The following UIMC1 variants were observed in gnomAD, a reference collection of about 807,000 sequenced individuals.
UIMC1 encodes BRCA1-A complex subunit RAP80.
A neutral mutation model predicts 84.9 loss-of-function variants in UIMC1; 42 were observed. The observed-to-expected ratio is 0.49, with a 90% CI of 0.39 to 0.64. The LOEUF (loss-of-function observed/expected upper bound fraction) is 0.64, where lower values mean the gene tolerates loss of function less well. UIMC1 is among the 30% of genes least tolerant of loss of function. The pLI, the probability that UIMC1 is intolerant of heterozygous loss-of-function variation, is 0.00. For missense variants in UIMC1, 825 were observed against 847.6 expected (o/e 0.97, Z 0.33); for synonymous variants, 281 against 293.0 (o/e 0.96, Z 0.42).
chr5:176,984,829 A>G (rs981306207), intron 1 of UIMC1, among the ~76,000 whole-genome samples: 3 of 152,222 alleles, frequency 2.0e-5, no homozygotes, highest in African/African-American at 7.2e-5. Flanking sequence ...TGCTGTGTCA[A>G]CTCAGGGTTA....
upstream of UIMC1, among the ~76,000 whole-genome samples, chr5:177,007,980 C>A (rs527349156): frequency 1.3e-5 from 2 of 151,950 alleles, no homozygotes; most frequent in Non-Finnish European, 2.9e-5. Context: ...TGGTACATGC[C>A]AGTAATCCCA....
intron 10 of UIMC1, among the ~76,000 whole-genome samples, chr5:176,928,595 C>T (rs1193901603): frequency 2.0e-5 from 3 of 152,158 alleles, no homozygotes; most frequent in African/African-American, 4.8e-5. Context: ...AACAAACCAA[C>T]TATAAACAAA....
upstream of UIMC1, among the ~76,000 whole-genome samples, chr5:177,010,533 A>G (rs1775523229): frequency 6.6e-6 from 1 of 152,156 alleles, no homozygotes; most frequent in Admixed American, 6.6e-5. Context: ...TAATAAACAC[A>G]TAATAGAGGA....
chr5:176,905,109 C>G lies in UIMC1; in HGVS notation c.*173G>C. 1 of 577,426 alleles carries G rather than the reference C, an allele frequency of 1.7e-6. No homozygotes were observed. Among genetic ancestry groups the G allele is most frequent in the South Asian group, 2.5e-5 (1 of 39,902 alleles). 35.8% of individuals were successfully genotyped at this position (577,426 alleles called of 1,614,324 possible). ...ACAAACTGTTATAAAACAGAATACA[C>G]AGTTGTCTGCATAGATCATAAAAAA... On this transcript the variant is annotated 3_prime_UTR_variant, in exon 15 of 15. Coordinates refer to ENST00000511320, the MANE Select transcript of UIMC1 (RefSeq NM_001199298.2).
intron 1 of UIMC1, among the ~76,000 whole-genome samples, chr5:177,021,642 A>G (rs1034697632): frequency 6.6e-6 from 1 of 151,842 alleles, no homozygotes; most frequent in Non-Finnish European, 1.5e-5. Context: ...TTGTTGGTCG[A>G]AGTAAGGACT....
chr5:176,996,469 A>G (rs1773626553), intron 1 of UIMC1, among the ~76,000 whole-genome samples: 1 of 152,218 alleles, frequency 6.6e-6, no homozygotes, highest in Non-Finnish European at 1.5e-5. Context: ...TGACCATGTA[A>G]GGAGGTTGAC....
At chr5:176,935,499 A>AT (rs778087965) in intron 10 of UIMC1, among the ~76,000 whole-genome samples, 15 of 152,166 alleles carry the variant, frequency 9.9e-5, no homozygotes, top group Admixed American at 2.0e-4. Context: ...ATTTGTATAT[A>AT]TCCCCACAGG....
chr5:176,954,656 G>A (rs1581517585), intron 8 of UIMC1, among the ~76,000 whole-genome samples: 1 of 151,296 alleles, frequency 6.6e-6, no homozygotes, highest in East Asian at 1.9e-4. Context: ...GGAGGCTGAG[G>A]AGTGAGGATC....
chr5:176,920,326 C>T (rs1402399738), intron 10 of UIMC1, among the ~76,000 whole-genome samples: 4 of 152,170 alleles, frequency 2.6e-5, no homozygotes, highest in African/African-American at 9.7e-5. Flanking sequence ...CCATGCCCAG[C>T]CTAGCTGGGA....
At position 176,963,167 on chromosome 5, in the gene UIMC1, A is replaced by T. The variant is rs868252457; in HGVS notation, c.1201-5013T>A. ...AATAAAAAAATAAATTAAAAAAAAAAAAAAAAAAAAAAAAAAAAAATTCAA... is the reference window on the plus strand; with the variant it reads ...AATAAAAAAATAAATTAAAAAAAAATAAAAAAAAAAAAAAAAAAAATTCAA... On this transcript the variant is annotated intron_variant, in intron 6 of 14. Coordinates refer to ENST00000511320, the MANE Select transcript of UIMC1 (RefSeq NM_001199298.2). Among the ~76,000 whole-genome samples, 98 of 29,390 alleles carry T rather than the reference A, an allele frequency of 3.3e-3. 30 individuals carry two copies. In the African/African-American group the frequency reaches 0.049, roughly 15 times the overall value. The allele number at this position is 29,390 out of a possible 152,430, so 19.3% of individuals were successfully genotyped here. A position where few individuals can be genotyped will look rare whatever the true frequency, so the allele number is the denominator to read the frequency against.
rs1772375550 is a variant in UIMC1, at chr5:176,988,675, G to A, written c.-8-6052C>T. ...TGACTGAAATGGTAGATTTTGTTAG[G>A]TGAATTTTTTTTTTTTTTTTTTTTT... is the stretch of plus-strand genomic sequence containing the variant. On this transcript the variant is annotated intron_variant, in intron 1 of 14. Transcript: ENST00000511320. Among the ~76,000 whole-genome samples, 4 of 151,038 alleles carry A rather than the reference G, an allele frequency of 2.6e-5. No individual in the cohort carries two copies. In the South Asian group the frequency reaches 8.4e-4, roughly 32 times the overall value.
At position 176,955,962 on chromosome 5, in the gene UIMC1, GACAA is replaced by G. The variant is rs1358090662; in HGVS notation, c.1332_1335del (p.Cys445LeufsTer5). On this transcript the variant is annotated frameshift_variant, in exon 8 of 15. Transcript: ENST00000511320. LOFTEE classifies it high-confidence loss of function. ...AAAATCACAGTGGGGTACTTACCAG[GACAA>G]ACAGTGATTTCTTCTGCAGAACTCT... The G allele has an allele frequency of 2.5e-6, 4 of 1,613,588 alleles. No homozygotes were observed. In the African/African-American group the frequency reaches 4.0e-5, roughly 16 times the overall value.
intron 3 of UIMC1, among the ~76,000 whole-genome samples, chr5:176,971,340 G>T (rs539859764): frequency 6.6e-6 from 1 of 152,304 alleles, no homozygotes; most frequent in South Asian, 2.1e-4. Flanking sequence ...GTGGTCTCCA[G>T]ACACCATTTT....
intron 1 of UIMC1, among the ~76,000 whole-genome samples, chr5:176,985,312 C>G (rs145271342): frequency 6.6e-6 from 1 of 151,742 alleles, no homozygotes; most frequent in African/African-American, 2.4e-5. Context: ...AAACATTAGC[C>G]GGGCGTGGTA....
intron 10 of UIMC1, among the ~76,000 whole-genome samples, chr5:176,929,729 T>C (rs541277947): frequency 6.6e-6 from 1 of 152,110 alleles, no homozygotes; most frequent in South Asian, 2.1e-4. Flanking sequence ...AAATTTTTGG[T>C]AATTAAAAGT....
At chr5:177,007,213 G>C (rs888829619), upstream of UIMC1, among the ~76,000 whole-genome samples, 1 of 151,946 alleles carries the variant, frequency 6.6e-6, no homozygotes, top group Non-Finnish European at 1.5e-5. Flanking sequence ...GGTGGCGCGT[G>C]CGTGTAATAA....
chr5:176,968,832 T>C lies in UIMC1; in HGVS notation c.923A>G (p.Lys308Arg), dbSNP rs1768731225. The change falls in exon 6 of 15, where the codon AAA (lysine) becomes AGA (arginine). Residue 308 changes from lysine (K) to arginine (R), a missense_variant. Lys to Arg is a conservative substitution (Grantham distance 26, BLOSUM62 2). Transcript: ENST00000511320. The stretch of plus-strand genomic sequence containing the variant: ...ATTAAGGAGCTGCCTCTGAGCCATT[T>C]TCAGGCTCTTTTGATAAACCTCCAA... ...CQLEVYQKSL[K>R]MAQRQLLNKK... 6.2e-7 allele frequency: 1 copy of C among 1,614,174 alleles called. No homozygotes were observed. Among genetic ancestry groups the C allele is most frequent in the Non-Finnish European group, 8.5e-7 (1 of 1,180,016 alleles).
At chr5:177,001,066 T>C (rs1774373823) in intron 1 of UIMC1, among the ~76,000 whole-genome samples, 1 of 152,198 alleles carries the variant, frequency 6.6e-6, no homozygotes, top group African/African-American at 2.4e-5. Context: ...GGGATATTAC[T>C]CAAGAAGTTT....
At chr5:176,984,633 C>T (rs906060248) in intron 1 of UIMC1, among the ~76,000 whole-genome samples, 4 of 151,292 alleles carry the variant, frequency 2.6e-5, no homozygotes, top group African/African-American at 7.3e-5. Flanking sequence ...ATGACGATGG[C>T]GGTTTTGTCA....
Sources: allele counts gnomAD v4.1 joint callset (sites outside exome capture counted in the v4.1 genomes callset), GRCh38; gene constraint gnomAD v4.1.1; transcripts MANE v1.5; gene names NCBI Gene and HGNC (gene_info 2026-07-23, HGNC 2026-07-21).